PPP1R9A: variants seen among roughly 807,000 people sequenced by gnomAD.
PPP1R9A encodes neurabin-1.
A neutral mutation model predicts 141.9 loss-of-function variants in PPP1R9A; 59 were observed. The observed-to-expected ratio is 0.42, with a 90% CI of 0.34 to 0.52. The LOEUF (loss-of-function observed/expected upper bound fraction) is 0.52. PPP1R9A is among the 20% of genes least tolerant of loss of function. The pLI, the probability that PPP1R9A is intolerant of heterozygous loss-of-function variation, is 0.10. For synonymous variants in PPP1R9A, 500 were observed against 569.7 expected (o/e 0.88, Z 1.74); for missense variants, 1,444 against 1,611.9 (o/e 0.90, Z 1.78).
intron 2 of PPP1R9A, among the ~76,000 whole-genome samples, chr7:95,072,786 T>C (rs1254791291): frequency 2.0e-5 from 2 of 101,778 alleles, no homozygotes; most frequent in East Asian, 4.5e-4. Flanking sequence ...TATATATATT[T>C]ATATATTATA....
At chr7:95,171,104 CA>C (rs1176938576) in intron 5 of PPP1R9A, among the ~76,000 whole-genome samples, 1 of 151,116 alleles carries the variant, frequency 6.6e-6, no homozygotes, top group Non-Finnish European at 1.5e-5. Flanking sequence ...AGTTATACAA[CA>C]AGGATAAAAC....
chr7:94,965,302 G>C (rs1798082606), intron 2 of PPP1R9A, among the ~76,000 whole-genome samples: 2 of 151,964 alleles, frequency 1.3e-5, no homozygotes, highest in African/African-American at 4.8e-5. Context: ...TTCTTTTGCT[G>C]TGCAGAAGCT....
At chr7:95,163,370 C>T (rs1221943290) in intron 5 of PPP1R9A, among the ~76,000 whole-genome samples, 1 of 152,168 alleles carries the variant, frequency 6.6e-6, no homozygotes, top group African/African-American at 2.4e-5. Flanking sequence ...TCATTACTCT[C>T]ATGGAAGGAC....
intron 12 of PPP1R9A, among the ~76,000 whole-genome samples, chr7:95,253,256 G>A (rs553748703): frequency 2.6e-5 from 4 of 152,226 alleles, no homozygotes; most frequent in Admixed American, 6.5e-5. Flanking sequence ...ACACTTTGAC[G>A]TGCAGTAAAA....
chr7:95,268,796 C>T, intron 13 of PPP1R9A, 89 bp downstream of exon 13: 2 of 1,476,496 alleles, frequency 1.4e-6, no homozygotes, highest in Non-Finnish European at 9.2e-7. Flanking sequence ...TTTCTGCAAA[C>T]AGAGTCTATG....
intron 3 of PPP1R9A, among the ~76,000 whole-genome samples, chr7:95,113,305 G>C (rs1820894782): frequency 6.6e-6 from 1 of 151,608 alleles, no homozygotes. Flanking sequence ...GTAGGCAACA[G>C]AAGAGAAAAA....
intron 2 of PPP1R9A, among the ~76,000 whole-genome samples, chr7:94,937,146 AT>A (rs1409642341): frequency 3.3e-5 from 5 of 152,022 alleles, no homozygotes; most frequent in Admixed American, 3.3e-4. Flanking sequence ...ATAATGCTGC[AT>A]CTTGATATAT....
chr7:95,177,652 A>G (rs1365830786), intron 5 of PPP1R9A, among the ~76,000 whole-genome samples: 1 of 152,140 alleles, frequency 6.6e-6, no homozygotes, highest in Admixed American at 6.6e-5. Context: ...CCTAACACAT[A>G]AAGACTCACA....
chr7:95,064,263 A>G (rs1313758541), intron 2 of PPP1R9A, among the ~76,000 whole-genome samples: 4 of 152,192 alleles, frequency 2.6e-5, no homozygotes, highest in Admixed American at 6.5e-5. Context: ...AGACACTTTA[A>G]TGTACATTTT....
intron 2 of PPP1R9A, among the ~76,000 whole-genome samples, chr7:95,081,219 C>T (rs1257008417): frequency 6.6e-6 from 1 of 152,076 alleles, no homozygotes; most frequent in Non-Finnish European, 1.5e-5. Context: ...GTAAAATTCA[C>T]AATATTTCAC....
At chr7:95,247,600 C>CTAAA in intron 9 of PPP1R9A, 74 bp downstream of exon 9, 1 of 1,255,040 alleles carries the variant, frequency 8.0e-7, no homozygotes, top group Non-Finnish European at 1.1e-6. Flanking sequence ...AATCCTAGGA[C>CTAAA]TAAAGGTTTT....
chr7:95,111,867 G>A (rs1820637420), intron 3 of PPP1R9A, among the ~76,000 whole-genome samples: 1 of 152,120 alleles, frequency 6.6e-6, no homozygotes, highest in Admixed American at 6.6e-5. Flanking sequence ...AGAGCAGGGA[G>A]AAGAGGGAGC....
intron 2 of PPP1R9A, among the ~76,000 whole-genome samples, chr7:95,073,251 G>A (rs1250975859): frequency 2.0e-5 from 3 of 151,738 alleles, no homozygotes; most frequent in Non-Finnish European, 4.4e-5. Context: ...CTCTCAAAGT[G>A]GTGAGATTAC....
chr7:95,068,394 T>C (rs1466057856), intron 2 of PPP1R9A, among the ~76,000 whole-genome samples: 23 of 127,216 alleles, frequency 1.8e-4, no homozygotes, highest in East Asian at 1.4e-3. Context: ...TGCTTGAACC[T>C]GGGAGGTGGA....
Position 94,909,196 on chromosome 7 carries a change from A to G in PPP1R9A, c.-216-702A>G, listed in dbSNP as rs142569177. Among the ~76,000 whole-genome samples the G allele has an allele frequency of 1.6e-4, 24 of 152,322 alleles. No homozygotes were observed. The East Asian group carries it at 3.7e-3, about 23-fold the overall frequency. Reference sequence around the variant, plus strand: ...TTTGCTTTCTGATTGTCACATTCTTACGCATTTATTCCCTTGGTAGTCTGC... The same window carrying G: ...TTTGCTTTCTGATTGTCACATTCTTGCGCATTTATTCCCTTGGTAGTCTGC... On this transcript the variant is annotated intron_variant, in intron 1 of 19. Transcript: ENST00000433360.
At chr7:94,943,271 C>A (rs987101911) in intron 2 of PPP1R9A, among the ~76,000 whole-genome samples, 1 of 152,174 alleles carries the variant, frequency 6.6e-6, no homozygotes, top group African/African-American at 2.4e-5. Flanking sequence ...AGGGGTATAG[C>A]TTTCTGTCAT....
intron 2 of PPP1R9A, among the ~76,000 whole-genome samples, chr7:94,917,939 A>T (rs1792302817): frequency 6.6e-6 from 1 of 152,124 alleles, no homozygotes; most frequent in African/African-American, 2.4e-5. Flanking sequence ...CACTTTCTCT[A>T]CCACTTGAAA....
intron 2 of PPP1R9A, among the ~76,000 whole-genome samples, chr7:95,059,583 G>T (rs1811948881): frequency 6.6e-6 from 1 of 152,152 alleles, no homozygotes; most frequent in Non-Finnish European, 1.5e-5. Context: ...GAGCATGAAA[G>T]GTAGTCCTAA....
At chr7:95,071,422 T>C (rs919954248) in intron 2 of PPP1R9A, among the ~76,000 whole-genome samples, 1 of 151,974 alleles carries the variant, frequency 6.6e-6, no homozygotes, top group Non-Finnish European at 1.5e-5. Context: ...GTACCAGATC[T>C]TTAGGAATGT....
Sources: gnomAD v4.1 joint callset for allele counts (sites outside exome capture counted in the v4.1 genomes callset) on GRCh38, gnomAD v4.1.1 for gene constraint, MANE v1.5 for transcripts, NCBI Gene and HGNC (gene_info 2026-07-23, HGNC 2026-07-21) for gene names.